Variants in ZBTB8OS observed in about 807,000 individuals in gnomAD.
ZBTB8OS encodes tRNA-splicing ligase-activating factor archease.
A neutral mutation model predicts 29.3 loss-of-function variants in ZBTB8OS; 16 were observed. The ratio of observed to expected loss-of-function variants is 0.55; its 90% CI spans 0.37 to 0.83. The LOEUF is 0.83. Ranked by LOEUF, ZBTB8OS falls within the 40% of genes least tolerant of loss-of-function variation. The pLI is 0.00. For missense variants in ZBTB8OS, 160 were observed against 196.9 expected (o/e 0.81, Z 1.12); for synonymous variants, 70 against 64.6 (o/e 1.08, Z -0.40).
In ZBTB8OS at chr1:32,637,560, T is replaced by C. The variant is rs368709737; in HGVS notation, c.98-2768A>G. 5.4e-4 allele frequency among the ~76,000 whole-genome samples: 80 copies of C among 149,508 alleles called. 2 individuals are homozygous for C. In the East Asian group the frequency reaches 0.011, roughly 20 times the overall value. Reference sequence around the variant, plus strand: ...TCCAGTGTGGGTGACAGAGCAAGACTGCCTCAAAAAAAAAAAAAGAATCTA... The same window carrying C: ...TCCAGTGTGGGTGACAGAGCAAGACCGCCTCAAAAAAAAAAAAAGAATCTA... On this transcript the variant is annotated intron_variant, in intron 1 of 6. Transcript: ENST00000468695.
intron 1 of ZBTB8OS, among the ~76,000 whole-genome samples, chr1:32,647,113 C>CGGA (rs1057139214): frequency 1.1e-4 from 16 of 139,894 alleles, no homozygotes; most frequent in African/African-American, 4.0e-4. Flanking sequence ...CCCAGCACTT[C>CGGA]GGAGGCCGAG....
At chr1:32,649,110 G>A (rs924915889) in intron 1 of ZBTB8OS, among the ~76,000 whole-genome samples, 2 of 151,280 alleles carry the variant, frequency 1.3e-5, no homozygotes, top group African/African-American at 4.9e-5. Flanking sequence ...TGGGATTACA[G>A]GCGCCCACCA....
intron 1 of ZBTB8OS, among the ~76,000 whole-genome samples, chr1:32,635,163 A>G (rs1451854704): frequency 1.3e-5 from 2 of 152,238 alleles, no homozygotes; most frequent in African/African-American, 4.8e-5. Flanking sequence ...AAACTCCACA[A>G]TATATGAGCT....
At chr1:32,634,206 ACC>A in intron 2 of ZBTB8OS, 134 bp from the exon 3 acceptor site, 1 of 635,828 alleles carries the variant, frequency 1.6e-6, no homozygotes. Context: ...CAGCACTGCA[ACC>A]AGGTGCTTTT....
chr1:32,650,324 G>C lies in ZBTB8OS; in HGVS notation c.97+109C>G. 3.5e-6 allele frequency: 5 copies of C among 1,424,262 alleles called. No individual in the cohort carries two copies. The South Asian group carries it at 5.1e-5, about 15-fold the overall frequency. The allele number at this position is 1,424,262 out of a possible 1,614,324, so 88.2% of individuals were successfully genotyped here. On this transcript the variant is annotated intron_variant, in intron 1 of 6. Transcript: ENST00000468695. ...CAACAGCCGGCACAAATGGGATCATGCCTGAAGTACCCATGGGGCACAGTA... is the reference window on the plus strand; with the variant it reads ...CAACAGCCGGCACAAATGGGATCATCCCTGAAGTACCCATGGGGCACAGTA...
At chr1:32,622,311 T>C (rs941177576) in intron 6 of ZBTB8OS, among the ~76,000 whole-genome samples, 1 of 152,066 alleles carries the variant, frequency 6.6e-6, no homozygotes, top group Non-Finnish European at 1.5e-5. Flanking sequence ...AGCAAAGACA[T>C]AGAATCAATC....
chr1:32,641,663 C>T (rs1334029153), intron 1 of ZBTB8OS, among the ~76,000 whole-genome samples: 3 of 150,024 alleles, frequency 2.0e-5, no homozygotes, highest in Admixed American at 1.3e-4. Flanking sequence ...CCTGTAATCC[C>T]AGCACTTTGG....
chr1:32,644,723 T>C (rs1432259205), intron 1 of ZBTB8OS, among the ~76,000 whole-genome samples: 4 of 147,680 alleles, frequency 2.7e-5, no homozygotes, highest in Admixed American at 6.8e-5. Flanking sequence ...TTTTTTTTTT[T>C]TTTGTAGAGA....
intron 6 of ZBTB8OS, among the ~76,000 whole-genome samples, chr1:32,625,525 C>G (rs1231328536): frequency 6.7e-6 from 1 of 150,326 alleles, no homozygotes. Flanking sequence ...TAGCATGAGA[C>G]TCCGTCTCAA....
chr1:32,645,193 T>C (rs1646744219), intron 1 of ZBTB8OS, among the ~76,000 whole-genome samples: 1 of 143,410 alleles, frequency 7.0e-6, no homozygotes, highest in Non-Finnish European at 1.5e-5. Flanking sequence ...AAAAAAGTCA[T>C]TTTCATTCAA....
At chr1:32,639,070 G>C (rs1646207556) in intron 1 of ZBTB8OS, among the ~76,000 whole-genome samples, 1 of 151,868 alleles carries the variant, frequency 6.6e-6, no homozygotes, top group African/African-American at 2.4e-5. Flanking sequence ...GGCTGAGGTA[G>C]GTGGATCACT....
chr1:32,638,230 CTTTTT>C (rs760775116), intron 1 of ZBTB8OS, among the ~76,000 whole-genome samples: 7 of 102,148 alleles, frequency 6.9e-5, no homozygotes, highest in Non-Finnish European at 1.1e-4. Flanking sequence ...CTCCAGAATT[CTTTTT>C]TTTTTTTTTT....
chr1:32,636,835 G>C (rs1474244486), intron 1 of ZBTB8OS, among the ~76,000 whole-genome samples: 1 of 151,888 alleles, frequency 6.6e-6, no homozygotes, highest in Non-Finnish European at 1.5e-5. Flanking sequence ...ACCTTATGTA[G>C]GCCCCCAAAT....
At chr1:32,647,718 G>C (rs1332121762) in intron 1 of ZBTB8OS, among the ~76,000 whole-genome samples, 1 of 152,176 alleles carries the variant, frequency 6.6e-6, no homozygotes, top group Non-Finnish European at 1.5e-5. Context: ...AGAATCTAAA[G>C]CCTGATGATC....
chr1:32,634,627 T>G, intron 2 of ZBTB8OS, 141 bp downstream of exon 2: 2 of 1,100,982 alleles, frequency 1.8e-6, no homozygotes, highest in Middle Eastern at 2.0e-4. Context: ...CCTGCAAAAC[T>G]GAGTGCTTTC....
intron 1 of ZBTB8OS, among the ~76,000 whole-genome samples, chr1:32,642,694 G>A (rs61798934): frequency 0.97 from 127,667 of 131,718 alleles, 62,028 homozygotes; most frequent in East Asian, 1. Flanking sequence ...AGCCACTATA[G>A]GACTTCAAAA....
chr1:32,631,904 A>G lies in ZBTB8OS; in HGVS notation c.328-25T>C, dbSNP rs759745758. 6.3e-6 allele frequency: 9 copies of G among 1,433,878 alleles called. No individual in the cohort carries two copies. In the Admixed American group the frequency reaches 2.2e-4, roughly 36 times the overall value. 88.8% of individuals were successfully genotyped at this position (1,433,878 alleles called of 1,614,324 possible). A position where few individuals can be genotyped will look rare whatever the true frequency, so the allele number is the denominator to read the frequency against. On this transcript the variant is annotated intron_variant, in intron 4 of 6. Coordinates refer to ENST00000468695, the MANE Select transcript of ZBTB8OS (RefSeq NM_178547.5). ...CCTAGACAGGAAGAAAAATTTTTTA[A>G]TTAAAAAAAGTTCATAATAGACTAT... is the stretch of plus-strand genomic sequence containing the variant.
intron 1 of ZBTB8OS, among the ~76,000 whole-genome samples, chr1:32,643,029 C>A (rs1299573935): frequency 6.7e-6 from 1 of 148,812 alleles, no homozygotes; most frequent in African/African-American, 2.5e-5. Flanking sequence ...CCTCGGCCTC[C>A]CAAAATGCTG....
At chr1:32,631,417 C>T (rs1226438973) in intron 5 of ZBTB8OS, among the ~76,000 whole-genome samples, 1 of 148,206 alleles carries the variant, frequency 6.7e-6, no homozygotes, top group African/African-American at 2.5e-5. Context: ...ACTAAAGAAA[C>T]CTGAGAAACA....
Sources: allele counts gnomAD v4.1 joint callset (sites outside exome capture counted in the v4.1 genomes callset), GRCh38; gene constraint gnomAD v4.1.1; transcripts MANE v1.5; gene names NCBI Gene and HGNC (gene_info 2026-07-23, HGNC 2026-07-21).